SLC12A8: variants seen among roughly 807,000 people sequenced by gnomAD.
SLC12A8 encodes solute carrier family 12 member 8, also known as cation-chloride cotransporter 9.
Under a neutral mutation model 75.6 loss-of-function variants are expected in SLC12A8, and 69 were observed. The observed-to-expected ratio is 0.91, with a 90% confidence interval of 0.75 to 1.11. SLC12A8 has a LOEUF of 1.11. SLC12A8 is among the 50% of genes most tolerant of loss of function. The pLI is 0.00. For synonymous variants in SLC12A8, 365 were observed against 372.8 expected (o/e 0.98, Z 0.24); for missense variants, 877 against 896.7 (o/e 0.98, Z 0.28).
chr3:125,137,213 C>T (rs898925075), intron 5 of SLC12A8, among the ~76,000 whole-genome samples: 9 of 152,188 alleles, frequency 5.9e-5, no homozygotes, highest in African/African-American at 2.2e-4. Context: ...AGATTCATAA[C>T]TTCATAAGAA....
chr3:125,193,752 C>T (rs1276324413), intron 2 of SLC12A8, among the ~76,000 whole-genome samples: 2 of 152,196 alleles, frequency 1.3e-5, no homozygotes, highest in Non-Finnish European at 2.9e-5. Flanking sequence ...CAAATAGGCC[C>T]TCCCACAAAG....
intron 6 of SLC12A8, among the ~76,000 whole-genome samples, chr3:125,126,821 T>C (rs1933220708): frequency 6.6e-6 from 1 of 152,316 alleles, no homozygotes; most frequent in South Asian, 2.1e-4. Flanking sequence ...TCTAAGTTCA[T>C]AACTTTATTT....
chr3:125,170,593 T>A (rs908499803), intron 5 of SLC12A8, among the ~76,000 whole-genome samples: 1 of 152,222 alleles, frequency 6.6e-6, no homozygotes, highest in African/African-American at 2.4e-5. Context: ...TACATGCACA[T>A]GTGCATGTGA....
chr3:125,115,982 C>T (rs1166356933), intron 8 of SLC12A8, among the ~76,000 whole-genome samples: 1 of 151,988 alleles, frequency 6.6e-6, no homozygotes, highest in Non-Finnish European at 1.5e-5. Flanking sequence ...GCCCTTGCAC[C>T]TCCCAACCAG....
chr3:125,153,589 T>G (rs768408598), intron 5 of SLC12A8, among the ~76,000 whole-genome samples: 5 of 152,232 alleles, frequency 3.3e-5, no homozygotes, highest in Non-Finnish European at 5.9e-5. Context: ...TGCCCCTGGC[T>G]GGGCAGCCCA....
chr3:125,211,212 C>A (rs546645525), intron 2 of SLC12A8, 87 bp downstream of exon 2: 10 of 1,053,810 alleles, frequency 9.5e-6, no homozygotes, highest in Non-Finnish European at 1.5e-5. Flanking sequence ...CTAAAGGGTG[C>A]GCTGTAATGT....
intron 10 of SLC12A8, among the ~76,000 whole-genome samples, chr3:125,099,424 C>A (rs1938804348): frequency 6.6e-6 from 1 of 152,002 alleles, no homozygotes; most frequent in African/African-American, 2.4e-5. Context: ...ATGCAAAAAA[C>A]CCAGAAAACT....
At chr3:125,108,962 G>A (rs1394022623) in intron 9 of SLC12A8, among the ~76,000 whole-genome samples, 1 of 152,088 alleles carries the variant, frequency 6.6e-6, no homozygotes, top group Non-Finnish European at 1.5e-5. Flanking sequence ...GGACAGGAGT[G>A]GAAAAAAGGT....
intron 10 of SLC12A8, among the ~76,000 whole-genome samples, chr3:125,101,307 C>G (rs1458260955): frequency 1.3e-5 from 2 of 152,216 alleles, no homozygotes; most frequent in Non-Finnish European, 2.9e-5. Flanking sequence ...ATCTCAGTGC[C>G]AGGCACATAG....
At chr3:125,096,330 A>G (rs992642139) in intron 10 of SLC12A8, among the ~76,000 whole-genome samples, 4 of 152,154 alleles carry the variant, frequency 2.6e-5, no homozygotes, top group African/African-American at 9.7e-5. Context: ...ATTATTATTC[A>G]TTATACTTAT....
At chr3:125,125,474 G>A (rs535467996) in intron 6 of SLC12A8, among the ~76,000 whole-genome samples, 3 of 152,244 alleles carry the variant, frequency 2.0e-5, no homozygotes, top group African/African-American at 4.8e-5. Context: ...CAGGAAAATC[G>A]CTTGAATCTG....
At chr3:125,091,633 C>T (rs189780764) in intron 11 of SLC12A8, 77 bp from the exon 12 acceptor site, 292 of 897,602 alleles carry the variant, frequency 3.3e-4, no homozygotes, top group African/African-American at 2.7e-3. Flanking sequence ...CTAATGTCTT[C>T]AGCAACAACA....
At position 125,144,578 on chromosome 3, in the gene SLC12A8, G is replaced by A. The variant is rs1018366888; in HGVS notation, c.623-8796C>T. Among the ~76,000 whole-genome samples the A allele has an allele frequency of 5.9e-5, 9 of 152,092 alleles. No homozygotes were observed. The South Asian group carries it at 6.2e-4, about 11-fold the overall frequency. ...ACTCTCCCTCCTGCCAGGATAACGG[G>A]CTGTTTTAACGGGAAGTCTCCACCC... On this transcript the variant is annotated intron_variant, in intron 5 of 13. Transcript: ENST00000469902.
chr3:125,103,348 T>C (rs1230127648), intron 10 of SLC12A8, among the ~76,000 whole-genome samples: 2 of 150,720 alleles, frequency 1.3e-5, no homozygotes, highest in Non-Finnish European at 2.9e-5. Flanking sequence ...CATTTGGGGG[T>C]CCTCCAGTAA....
chr3:125,128,371 G>A (rs375089901), intron 6 of SLC12A8, among the ~76,000 whole-genome samples: 26 of 134,242 alleles, frequency 1.9e-4, no homozygotes, highest in African/African-American at 5.9e-4. Context: ...TAGTAGAGAC[G>A]GGGTTTCACC....
chr3:125,082,823 G>A lies in SLC12A8; in HGVS notation c.*1067C>T, dbSNP rs558179425. On this transcript the variant is annotated 3_prime_UTR_variant, in exon 14 of 14. Transcript: ENST00000469902. The stretch of plus-strand genomic sequence containing the variant: ...GATTGTCATTGCAAAAGATTGGAAA[G>A]AATCCAAATGCTCATCATTGTGGAA... 6.6e-6 allele frequency: 1 copy of A among 152,270 alleles called. No homozygotes were observed. Among genetic ancestry groups the A allele is most frequent in the South Asian group, 2.1e-4 (1 of 4,826 alleles). 9.4% of individuals were successfully genotyped at this position (152,270 alleles called of 1,614,324 possible).
intron 5 of SLC12A8, among the ~76,000 whole-genome samples, chr3:125,138,974 G>C (rs1013261307): frequency 6.6e-6 from 1 of 152,102 alleles, no homozygotes; most frequent in African/African-American, 2.4e-5. Context: ...AGTCAGCTGT[G>C]ACTATGCTAC....
chr3:125,126,372 G>T (rs1258531040), intron 6 of SLC12A8, among the ~76,000 whole-genome samples: 1 of 152,188 alleles, frequency 6.6e-6, no homozygotes, highest in Non-Finnish European at 1.5e-5. Flanking sequence ...TGGTCTCACA[G>T]AAGACATAGA....
intron 6 of SLC12A8, among the ~76,000 whole-genome samples, chr3:125,126,616 A>T (rs1933215566): frequency 6.6e-6 from 1 of 152,174 alleles, no homozygotes; most frequent in Admixed American, 6.5e-5. Flanking sequence ...GAAAATGAAG[A>T]TTAGTAGGAA....
Sources: gnomAD v4.1 joint callset for allele counts (sites outside exome capture counted in the v4.1 genomes callset) on GRCh38, gnomAD v4.1.1 for gene constraint, MANE v1.5 for transcripts, NCBI Gene and HGNC (gene_info 2026-07-23, HGNC 2026-07-21) for gene names.